VPS13C: variants seen among roughly 807,000 people sequenced by gnomAD.
The protein encoded by VPS13C is vacuolar protein sorting 13 homolog C, also known as intermembrane lipid transfer protein VPS13C.
VPS13C carries 358 observed loss-of-function variants against 456.8 expected under a neutral mutation model. That is an observed-to-expected ratio of 0.78 (90% CI 0.72 to 0.86). VPS13C has a LOEUF of 0.86. Among genes scored for constraint, VPS13C ranks in the 40% least tolerant of loss-of-function variants. VPS13C has a pLI of 0.00. For synonymous variants in VPS13C, 1,578 were observed against 1,486.7 expected (o/e 1.06, Z -1.41); for missense variants, 4,818 against 4,385.4 (o/e 1.10, Z -2.79).
chr15:61,882,802 A>G, intron 68 of VPS13C, 66 bp from the exon 69 acceptor site: 1 of 1,432,200 alleles, frequency 7.0e-7, no homozygotes. Context: ...CATTTTTAAT[A>G]TCTGTTTATT....
At chr15:61,959,978 T>C (rs1567047907) in intron 35 of VPS13C, among the ~76,000 whole-genome samples, 1 of 152,186 alleles carries the variant, frequency 6.6e-6, no homozygotes, top group Non-Finnish European at 1.5e-5. Context: ...GTTAGCATTT[T>C]CCAAGGCATT....
chr15:61,860,816 A>T (rs1894180632), intron 82 of VPS13C, among the ~76,000 whole-genome samples: 1 of 152,144 alleles, frequency 6.6e-6, no homozygotes, highest in Admixed American at 6.6e-5. Flanking sequence ...GGGTGATCAT[A>T]TAATCTGTTA....
In VPS13C at chr15:61,942,085, T is replaced by C. The variant is rs776150933; in HGVS notation, c.5149-18A>G. On this transcript the variant is annotated intron_variant, in intron 45 of 84. Coordinates refer to ENST00000644861, the MANE Select transcript of VPS13C (RefSeq NM_020821.3). ...AGGAAGTTCTGTTGGAAGAGACAGA[T>C]ATTTAGGGGAAAAAAGGCATTTATT... 3 of 1,525,424 alleles carry C rather than the reference T, an allele frequency of 2.0e-6. No individual in the cohort carries two copies. The highest frequency in any genetic ancestry group is 1.8e-4 in the Middle Eastern group (1 of 5,672). 94.5% of individuals were successfully genotyped at this position (1,525,424 alleles called of 1,614,324 possible).
intron 19 of VPS13C, among the ~76,000 whole-genome samples, chr15:61,984,486 C>T (rs2045976752): frequency 6.6e-6 from 1 of 152,188 alleles, no homozygotes; most frequent in South Asian, 2.1e-4. Flanking sequence ...TACCTTCTTA[C>T]CTTAGAGCTG....
intron 3 of VPS13C, among the ~76,000 whole-genome samples, chr15:62,036,658 TAA>T (rs2048009858): frequency 6.6e-6 from 1 of 152,026 alleles, no homozygotes; most frequent in African/African-American, 2.4e-5. Flanking sequence ...TTGGTGAGCA[TAA>T]GACAGAAAAA....
chr15:61,907,502 T>A, intron 65 of VPS13C, 112 bp from the exon 66 acceptor site: 1 of 1,350,362 alleles, frequency 7.4e-7, no homozygotes, highest in South Asian at 1.5e-5. Context: ...TTGCTGTGGT[T>A]AATAAAACAC....
Position 61,863,401 on chromosome 15 carries a change from C to T in VPS13C, c.10952+39G>A, listed in dbSNP as rs530718149. 99 of 1,515,444 alleles carry T rather than the reference C, an allele frequency of 6.5e-5. No individual in the cohort carries two copies. The African/African-American group carries it at 1.0e-3, about 15-fold the overall frequency. The allele number at this position is 1,515,444 out of a possible 1,614,324, so 93.9% of individuals were successfully genotyped here. A position where few individuals can be genotyped will look rare whatever the true frequency, so the allele number is the denominator to read the frequency against. Reference sequence around the variant, plus strand: ...TTCAAAATTCTTGTGACCTATGCAACTAAGTACTATTTGGAAAAATGTCAC... The same window carrying T: ...TTCAAAATTCTTGTGACCTATGCAATTAAGTACTATTTGGAAAAATGTCAC... On this transcript the variant is annotated intron_variant, in intron 82 of 84. Transcript: ENST00000644861.
At chr15:61,904,993 G>A (rs1298737686) in intron 66 of VPS13C, among the ~76,000 whole-genome samples, 2 of 152,048 alleles carry the variant, frequency 1.3e-5, no homozygotes, top group African/African-American at 4.8e-5. Flanking sequence ...GGGGATTGGA[G>A]GGAACAAGAG....
At chr15:62,001,217 C>T (rs955690430) in intron 15 of VPS13C, among the ~76,000 whole-genome samples, 63 of 152,258 alleles carry the variant, frequency 4.1e-4, no homozygotes, top group African/African-American at 1.4e-3. Context: ...ATTTTATATA[C>T]GAGAACACTA....
intron 15 of VPS13C, among the ~76,000 whole-genome samples, chr15:62,003,134 A>C (rs560639275): frequency 5.3e-5 from 8 of 152,112 alleles, no homozygotes; most frequent in Non-Finnish European, 1.2e-4. Flanking sequence ...CATGATATTG[A>C]TTCTTCCTAT....
chr15:62,009,325 A>G (rs979500311), intron 13 of VPS13C, among the ~76,000 whole-genome samples: 1 of 152,008 alleles, frequency 6.6e-6, no homozygotes, highest in Non-Finnish European at 1.5e-5. Context: ...AATGGAGGGA[A>G]ACATAAACCC....
At chr15:61,928,392 TAGTC>T (rs2043940055) in intron 51 of VPS13C, among the ~76,000 whole-genome samples, 1 of 152,140 alleles carries the variant, frequency 6.6e-6, no homozygotes, top group Non-Finnish European at 1.5e-5. Flanking sequence ...CAAAAGTCCA[TAGTC>T]AATGTCATAT....
rs757752866 is a variant in VPS13C, at chr15:61,931,266, T to C, written c.5869-7A>G. 5.6e-6 allele frequency: 9 copies of C among 1,604,190 alleles called. 1 individual carries two copies. Among genetic ancestry groups the C allele is most frequent in the East Asian group, 2.2e-5 (1 of 44,726 alleles). ...GAAATGCAACTCCAGATTCCTATGGTACATTTTTCAAGCAAAAGAATCAAT... is the reference window on the plus strand; with the variant it reads ...GAAATGCAACTCCAGATTCCTATGGCACATTTTTCAAGCAAAAGAATCAAT... On this transcript the variant is annotated splice_polypyrimidine_tract_variant and splice_region_variant and intron_variant, in intron 49 of 84. Transcript: ENST00000644861.
intron 6 of VPS13C, among the ~76,000 whole-genome samples, chr15:62,027,054 CT>C (rs2047664692): frequency 6.6e-6 from 1 of 151,052 alleles, no homozygotes; most frequent in Admixed American, 6.6e-5. Context: ...AGAACCACTG[CT>C]TTAGAATAAA....
chr15:61,885,733 T>C (rs1244598819), intron 67 of VPS13C, among the ~76,000 whole-genome samples: 2 of 152,158 alleles, frequency 1.3e-5, no homozygotes, highest in Non-Finnish European at 2.9e-5. Context: ...ACTAAGTCTT[T>C]TTCTGTTCCA....
rs908363371 is a variant in VPS13C at position 61,967,447 on chromosome 15, C to G, written c.2912G>C (p.Gly971Ala). 2.5e-6 allele frequency: 4 copies of G among 1,582,074 alleles called. No individual in the cohort carries two copies. Among genetic ancestry groups the G allele is most frequent in the Non-Finnish European group, 3.4e-6 (4 of 1,167,582 alleles). The change falls in exon 29 of 85, where the codon GGA (glycine) becomes GCA (alanine). Residue 971 changes from glycine (G) to alanine (A), a missense_variant and splice_region_variant. Coordinates refer to ENST00000644861, the MANE Select transcript of VPS13C (RefSeq NM_020821.3). ...KISLDYHEIE[G>A]SKRKPLHLIS... Reference sequence around the variant, plus strand: ...CAAGTGAAGGGGCTTCCTTTTGGATCCTAGATTAAAGAAAAAGGAAAAAAA... The same window carrying G: ...CAAGTGAAGGGGCTTCCTTTTGGATGCTAGATTAAAGAAAAAGGAAAAAAA...
intron 15 of VPS13C, among the ~76,000 whole-genome samples, chr15:62,002,773 G>A (rs1340954107): frequency 6.6e-6 from 1 of 152,148 alleles, no homozygotes; most frequent in Non-Finnish European, 1.5e-5. Flanking sequence ...TTATTAAATA[G>A]GGAATCCTTT....
chr15:62,000,926 AG>A, intron 15 of VPS13C, among the ~76,000 whole-genome samples: 1 of 152,268 alleles, frequency 6.6e-6, no homozygotes. Context: ...ATTTAGGAAG[AG>A]GACTTGTTTT....
chr15:61,880,534 T>G (rs1039285629), intron 73 of VPS13C, 75 bp downstream of exon 73: 1 of 939,798 alleles, frequency 1.1e-6, no homozygotes, highest in African/African-American at 1.7e-5. Flanking sequence ...AATTAAAACC[T>G]ACCTTGGTCC....
Sources: gnomAD v4.1 joint callset for allele counts (sites outside exome capture counted in the v4.1 genomes callset) on GRCh38, gnomAD v4.1.1 for gene constraint, MANE v1.5 for transcripts, NCBI Gene and HGNC (gene_info 2026-07-23, HGNC 2026-07-21) for gene names.